Variants in TLR3 observed in about 807,000 individuals in gnomAD.
The protein encoded by TLR3 is toll like receptor 3.
A neutral mutation model predicts 66.4 loss-of-function variants in TLR3; 43 were observed. The observed-to-expected ratio is 0.65, with a 90% CI of 0.51 to 0.83. TLR3 has a LOEUF of 0.83. Among genes scored for constraint, TLR3 ranks in the 40% least tolerant of loss-of-function variants. TLR3 has a pLI of 0.00. For synonymous variants in TLR3, 397 were observed against 397.2 expected, an observed-to-expected ratio of 1.00 and a Z score of 0.01; for missense variants, 982 against 1,044.6, an observed-to-expected ratio of 0.94 and a Z score of 0.83.
chr4:186,075,252 C>A (rs140599160), intron 1 of TLR3, among the ~76,000 whole-genome samples: 1 of 152,084 alleles, frequency 6.6e-6, no homozygotes, highest in Admixed American at 6.5e-5. Flanking sequence ...GATATTATGA[C>A]GGCTAGATTA....
chr4:186,078,922 A>C lies in TLR3; in HGVS notation c.524A>C (p.Glu175Ala), dbSNP rs770093551. The change falls in exon 3 of 5, where the codon GAG becomes GCG. Residue 175 changes from glutamate to alanine, a missense_variant. Physicochemically the swap from Glu to Ala is moderately radical, Grantham distance 107 (BLOSUM62 -1). Around this residue, in one of 3 missense-constraint regions of TLR3, gnomAD observed 313 missense variants for 319.0 expected, o/e 0.98. Transcript: ENST00000296795. Reference sequence around the variant, plus strand: ...CAGGTTCAGCTGGAAAATCTCCAAGAGCTTCTATTATCAAACAATAAAATT... The same window carrying C: ...CAGGTTCAGCTGGAAAATCTCCAAGCGCTTCTATTATCAAACAATAAAATT... The part of the protein sequence containing the change: ...GTQVQLENLQ[E>A]LLLSNNKIQA... 5.6e-6 allele frequency: 9 copies of C among 1,614,072 alleles called. No individual in the cohort carries two copies. The East Asian group carries it at 1.8e-4, about 32-fold the overall frequency.
At chr4:186,076,013 G>A (rs2099302383) in intron 1 of TLR3, among the ~76,000 whole-genome samples, 1 of 152,018 alleles carries the variant, frequency 6.6e-6, no homozygotes, top group African/African-American at 2.4e-5. Context: ...AATTAGCCAG[G>A]TGTGGTGGCG....
At chr4:186,071,374 A>T (rs1051045140) in intron 1 of TLR3, among the ~76,000 whole-genome samples, 2 of 152,180 alleles carry the variant, frequency 1.3e-5, no homozygotes, top group Non-Finnish European at 2.9e-5. Flanking sequence ...AAGCAAGGAG[A>T]ATGTATTGTA....
intron 3 of TLR3, among the ~76,000 whole-genome samples, chr4:186,081,330 T>G (rs2099303418): frequency 6.6e-6 from 1 of 151,852 alleles, no homozygotes; most frequent in South Asian, 2.1e-4. Context: ...TTCGACTGCC[T>G]GCCGGAACTG....
chr4:186,079,812 C>T (rs956986446), intron 3 of TLR3, among the ~76,000 whole-genome samples: 2 of 152,172 alleles, frequency 1.3e-5, no homozygotes, highest in Non-Finnish European at 1.5e-5. Flanking sequence ...GAGAAGGCAA[C>T]GGGCATATCA....
At chr4:186,076,470 G>A (rs2099302470) in intron 1 of TLR3, 143 bp from the exon 2 acceptor site, 2 of 822,466 alleles carry the variant, frequency 2.4e-6, no homozygotes, top group African/African-American at 3.4e-5. Flanking sequence ...TGTATAATAT[G>A]TACTTGTATG....
At chr4:186,084,538 A>AC in intron 4 of TLR3, 107 bp from the exon 5 acceptor site, 1 of 778,224 alleles carries the variant, frequency 1.3e-6, no homozygotes, top group South Asian at 1.8e-5. Context: ...AGAAAAAAAA[A>AC]ACCTGAGTTT....
intron 1 of TLR3, among the ~76,000 whole-genome samples, chr4:186,069,613 A>T (rs2099301092): frequency 2.0e-5 from 3 of 152,246 alleles, no homozygotes; most frequent in Non-Finnish European, 1.5e-5. Context: ...TTAAAGAAAC[A>T]AAACTCCAAG....
Position 186,087,304 on chromosome 4 carries a change from G to A in TLR3, c.*2431G>A, listed in dbSNP as rs2099304522. ...CTCTAAATGAATGCCAATAAAAATA[G>A]TAAAAGGTGTAAACTCTGACTCCTA... On this transcript the variant is annotated 3_prime_UTR_variant, in exon 5 of 5. Coordinates refer to ENST00000296795, the MANE Select transcript of TLR3 (RefSeq NM_003265.3). 6.6e-6 allele frequency: 1 copy of A among 152,182 alleles called. No homozygotes were observed. The highest frequency in any genetic ancestry group is 1.5e-5 in the Non-Finnish European group (1 of 68,036). The allele number at this position is 152,182 out of a possible 1,614,324, so 9.4% of individuals were successfully genotyped here. A position where few individuals can be genotyped will look rare whatever the true frequency, so the allele number is the denominator to read the frequency against.
In TLR3 at chr4:186,084,124, T is replaced by A. The variant is rs775823844; in HGVS notation, c.2438T>A (p.Ile813Asn). The change falls in exon 4 of 5, where the codon ATT becomes AAT. Residue 813 changes from isoleucine to asparagine, a missense_variant. This residue lies in a region of TLR3 where 666 missense variants were observed against 709.0 expected (regional missense o/e 0.94). Coordinates refer to ENST00000296795, the MANE Select transcript of TLR3 (RefSeq NM_003265.3). ...IVNSIKRSRK[I>N]IFVITHHLLK... ...AACAGCATCAAAAGAAGCAGAAAAA[T>A]TATTTTTGTTATAACACACCATCTA... 6.2e-6 allele frequency: 10 copies of A among 1,613,754 alleles called. No individual in the cohort carries two copies. Among genetic ancestry groups the A allele is most frequent in the Non-Finnish European group, 8.5e-6 (10 of 1,179,980 alleles).
In TLR3 at chr4:186,083,255, T is replaced by A; in HGVS notation, c.1569T>A (p.Asp523Glu). The change falls in exon 4 of 5, where the codon GAT (aspartate) becomes GAA (glutamate). Residue 523 changes from aspartate to glutamate, a missense_variant. This residue lies in a region of TLR3 where 666 missense variants were observed against 709.0 expected (regional missense o/e 0.94). Coordinates refer to ENST00000296795, the MANE Select transcript of TLR3 (RefSeq NM_003265.3). This position sits in a 1 kb window ranked among gnomAD's most constrained non-coding sequence, Gnocchi z 4.0. Reference protein sequence around the residue: ...LSNNNIANINDDMLEGLEKLE... With the variant: ...LSNNNIANINEDMLEGLEKLE... Reference sequence around the variant, plus strand: ...ACAACAACATAGCCAACATAAATGATGACATGTTGGAGGGTCTTGAGAAAC... The same window carrying A: ...ACAACAACATAGCCAACATAAATGAAGACATGTTGGAGGGTCTTGAGAAAC... 4 of 1,614,188 alleles carry A rather than the reference T, an allele frequency of 2.5e-6. No individual in the cohort carries two copies. Among genetic ancestry groups the A allele is most frequent in the Non-Finnish European group, 3.4e-6 (4 of 1,180,036 alleles).
chr4:186,079,876 C>G (rs2099303127), intron 3 of TLR3, among the ~76,000 whole-genome samples: 1 of 152,172 alleles, frequency 6.6e-6, no homozygotes. Context: ...TTTACAGGGT[C>G]TTGTTTATGC....
At chr4:186,077,532 C>T (rs2099302643) in intron 2 of TLR3, among the ~76,000 whole-genome samples, 1 of 152,168 alleles carries the variant, frequency 6.6e-6, no homozygotes. Flanking sequence ...ATGACTTTTT[C>T]AATAGTGGTG....
At chr4:186,074,339 C>T (rs77542988) in intron 1 of TLR3, among the ~76,000 whole-genome samples, 2,293 of 152,280 alleles carry the variant, frequency 0.015, 58 homozygotes, top group African/African-American at 0.052. Context: ...AGACAGCCGG[C>T]GTGTGACTGC....
intron 1 of TLR3, among the ~76,000 whole-genome samples, chr4:186,072,661 C>T (rs1475153174): frequency 1.3e-5 from 2 of 152,108 alleles, no homozygotes; most frequent in Non-Finnish European, 2.9e-5. Context: ...CACTCACTAT[C>T]GGGAGAACAG....
At position 186,083,996 on chromosome 4, in the gene TLR3, C is replaced by A; in HGVS notation, c.2310C>A (p.Val770=). Residue 770 remains valine (V), a synonymous_variant, in exon 4 of 5, where the codon GTC becomes GTA. Transcript: ENST00000296795. The surrounding 1 kb of genome is among the most constrained non-coding windows in gnomAD (Gnocchi z 4.0). The stretch of plus-strand genomic sequence containing the variant: ...ATGCCTATAAAGATAAGGATTGGGT[C>A]TGGGAACATTTCTCTTCAATGGAAA... ...IIHAYKDKDW[V]WEHFSSMEKE... 6.2e-7 allele frequency: 1 copy of A among 1,614,104 alleles called. No homozygotes were observed.
intron 3 of TLR3, among the ~76,000 whole-genome samples, chr4:186,080,677 C>T (rs952948034): frequency 9.2e-5 from 14 of 152,052 alleles, no homozygotes; most frequent in Admixed American, 5.2e-4. Context: ...CTGCAACCTC[C>T]GACTCCCGGG....
At chr4:186,070,054 C>T (rs1237723591) in intron 1 of TLR3, among the ~76,000 whole-genome samples, 1 of 152,238 alleles carries the variant, frequency 6.6e-6, no homozygotes, top group African/African-American at 2.4e-5. Context: ...TATTGTCTCT[C>T]ACTTGGACAA....
intron 1 of TLR3, among the ~76,000 whole-genome samples, chr4:186,069,532 T>C (rs1403068837): frequency 6.6e-6 from 1 of 152,228 alleles, no homozygotes; most frequent in Non-Finnish European, 1.5e-5. Context: ...ATTCTGTACC[T>C]GGAAAAAACA....
Sources: allele counts gnomAD v4.1 joint callset (sites outside exome capture counted in the v4.1 genomes callset), GRCh38; gene constraint gnomAD v4.1.1; regional missense constraint gnomAD v4.1.1; non-coding constraint Gnocchi (gnomAD v3.1); transcripts MANE v1.5; gene names NCBI Gene and HGNC (gene_info 2026-07-23, HGNC 2026-07-21).